Variants in PLEKHA5 observed in about 807,000 individuals in gnomAD.
The protein encoded by PLEKHA5 is pleckstrin homology domain containing A5, also known as pleckstrin homology domain-containing family A member 5.
PLEKHA5 carries 55 observed loss-of-function variants against 181.9 expected under a neutral mutation model. The observed-to-expected ratio is 0.30, with a 90% CI of 0.24 to 0.38. The LOEUF (loss-of-function observed/expected upper bound fraction) is 0.38. Among genes scored for constraint, PLEKHA5 ranks in the 10% least tolerant of loss-of-function variants. PLEKHA5 has a pLI of 1.00. For synonymous variants in PLEKHA5, 535 were observed against 529.4 expected (o/e 1.01, Z -0.15); for missense variants, 1,432 against 1,549.5 (o/e 0.92, Z 1.27).
At chr12:19,148,920 C>T (rs549859554) in intron 3 of PLEKHA5, among the ~76,000 whole-genome samples, 1 of 152,092 alleles carries the variant, frequency 6.6e-6, no homozygotes, top group African/African-American at 2.4e-5. Context: ...TTATGAAAGT[C>T]TGGCTGCTAT....
At chr12:19,227,302 T>C (rs1178600311) in intron 3 of PLEKHA5, among the ~76,000 whole-genome samples, 5 of 151,624 alleles carry the variant, frequency 3.3e-5, no homozygotes, top group Admixed American at 2.0e-4. Flanking sequence ...TTTTTTTTTT[T>C]TCCCTCATGT....
intron 3 of PLEKHA5, among the ~76,000 whole-genome samples, chr12:19,169,397 C>T (rs890450113): frequency 1.3e-5 from 2 of 152,134 alleles, no homozygotes; most frequent in Non-Finnish European, 2.9e-5. Flanking sequence ...GGCAGAGCCT[C>T]CAGCATCTTC....
At chr12:19,315,691 A>C (rs1229344002) in intron 16 of PLEKHA5, among the ~76,000 whole-genome samples, 2 of 152,172 alleles carry the variant, frequency 1.3e-5, no homozygotes, top group Non-Finnish European at 2.9e-5. Context: ...TTTAAAAATC[A>C]TGCAGAAGAA....
rs1370478282 is a variant in PLEKHA5 at position 19,334,862 on chromosome 12, A to ATATC, written c.2449-1650_2449-1649insCTAT. 9.6e-5 allele frequency among the ~76,000 whole-genome samples: 6 copies of ATATC among 62,690 alleles called. 1 individual carries two copies. The highest frequency in any genetic ancestry group is 2.9e-4 in the African/African-American group (6 of 20,894). The allele number at this position is 62,690 out of a possible 152,430, so 41.1% of individuals were successfully genotyped here. On this transcript the variant is annotated intron_variant, in intron 20 of 31. Coordinates refer to ENST00000429027, the MANE Select transcript of PLEKHA5 (RefSeq NM_001256470.2). Reference sequence around the variant, plus strand: ...TATATATATATATATATATATATATATATATATCTCTGTATACGCACACAC... The same window carrying ATATC: ...TATATATATATATATATATATATATATATCTATATATCTCTGTATACGCACACAC...
intron 25 of PLEKHA5, among the ~76,000 whole-genome samples, chr12:19,353,069 T>A (rs1275664781): frequency 6.6e-6 from 1 of 151,866 alleles, no homozygotes; most frequent in Non-Finnish European, 1.5e-5. Flanking sequence ...ATTACAGGCA[T>A]GAACAGAATT....
chr12:19,322,804 G>A, intron 20 of PLEKHA5, 137 bp downstream of exon 20: 1 of 602,514 alleles, frequency 1.7e-6, no homozygotes, highest in Non-Finnish European at 2.9e-6. Context: ...TGTTATTAGT[G>A]TGCTTCTGTT....
chr12:19,275,315 A>G (rs1437255348), intron 11 of PLEKHA5, among the ~76,000 whole-genome samples: 3 of 151,952 alleles, frequency 2.0e-5, no homozygotes, highest in Non-Finnish European at 2.9e-5. Context: ...CCCTGCCATT[A>G]TCACCTCTTC....
At chr12:19,217,811 CAGA>C (rs1186641938) in intron 3 of PLEKHA5, among the ~76,000 whole-genome samples, 3 of 152,098 alleles carry the variant, frequency 2.0e-5, no homozygotes, top group African/African-American at 4.8e-5. Context: ...AGGAGTTTGG[CAGA>C]AGGAGAAAGA....
intron 3 of PLEKHA5, among the ~76,000 whole-genome samples, chr12:19,160,422 T>C (rs1041176885): frequency 6.6e-6 from 1 of 152,076 alleles, no homozygotes; most frequent in Non-Finnish European, 1.5e-5. Context: ...AACAACAATA[T>C]ACTCCTTGAA....
chr12:19,176,370 A>G (rs1352010059), intron 3 of PLEKHA5: 1 of 151,904 alleles, frequency 6.6e-6, no homozygotes, highest in East Asian at 1.9e-4. Flanking sequence ...AGATCAGCAC[A>G]GGAGTTTTGA....
At chr12:19,267,578 C>T (rs4963551) in intron 8 of PLEKHA5, among the ~76,000 whole-genome samples, 130,273 of 151,594 alleles carry the variant, frequency 0.86, 57,533 homozygotes, top group Middle Eastern at 0.97. Flanking sequence ...GAGAATCACT[C>T]GAACCTGGGA....
chr12:19,200,190 AC>A (rs1237781120), intron 3 of PLEKHA5: 1 of 619,146 alleles, frequency 1.6e-6, no homozygotes, highest in East Asian at 2.8e-5. Flanking sequence ...CCCTCAAATA[AC>A]CTAACTTGAT....
chr12:19,354,742 A>G (rs1242258874), intron 26 of PLEKHA5, among the ~76,000 whole-genome samples: 2 of 152,010 alleles, frequency 1.3e-5, no homozygotes, highest in Non-Finnish European at 2.9e-5. Context: ...TCGGCCTCCC[A>G]AACTGCTGGG....
At chr12:19,252,064 A>G (rs920716982) in intron 3 of PLEKHA5, among the ~76,000 whole-genome samples, 4 of 152,154 alleles carry the variant, frequency 2.6e-5, no homozygotes, top group African/African-American at 9.7e-5. Context: ...TAGAAACACT[A>G]TGTTTCATTA....
intron 3 of PLEKHA5, among the ~76,000 whole-genome samples, chr12:19,179,468 C>A (rs2048049460): frequency 6.6e-6 from 1 of 151,990 alleles, no homozygotes; most frequent in African/African-American, 2.4e-5. Flanking sequence ...ACCAGCCTTA[C>A]CAACATGGAG....
intron 12 of PLEKHA5, 49 bp downstream of exon 12, chr12:19,283,794 T>A: frequency 8.5e-7 from 1 of 1,181,268 alleles, no homozygotes; most frequent in Non-Finnish European, 1.2e-6. Context: ...ATAAATGCTG[T>A]GTTTTCTTTC....
At chr12:19,152,637 G>T (rs543822014) in intron 3 of PLEKHA5, 59 of 152,216 alleles carry the variant, frequency 3.9e-4, no homozygotes, top group African/African-American at 1.4e-3. Flanking sequence ...AAATCTTTGA[G>T]TATGTTTTAT....
chr12:19,221,266 A>G (rs533749632), intron 3 of PLEKHA5, among the ~76,000 whole-genome samples: 2 of 152,342 alleles, frequency 1.3e-5, no homozygotes, highest in Admixed American at 6.5e-5. Flanking sequence ...GGGTGAATGA[A>G]TAAATAAACT....
intron 3 of PLEKHA5, among the ~76,000 whole-genome samples, chr12:19,138,758 A>G (rs981503543): frequency 2.0e-5 from 3 of 152,016 alleles, no homozygotes; most frequent in Non-Finnish European, 2.9e-5. Context: ...GGGGCTGGGA[A>G]CACGTATAAT....
Sources: gnomAD v4.1 joint callset for allele counts (sites outside exome capture counted in the v4.1 genomes callset) on GRCh38, gnomAD v4.1.1 for gene constraint, MANE v1.5 for transcripts, NCBI Gene and HGNC (gene_info 2026-07-23, HGNC 2026-07-21) for gene names.